SAMMSON: variants seen among roughly 807,000 people sequenced by gnomAD.
SAMMSON encodes long intergenic non-protein coding RNA 1212.
intron 9 of SAMMSON, among the ~76,000 whole-genome samples, chr3:70,374,668 ATGGGGATGAAAGTCC>A (rs1702996959): frequency 6.6e-6 from 1 of 152,110 alleles, no homozygotes; most frequent in Non-Finnish European, 1.5e-5. Flanking sequence ...ACTGTTGACT[ATGGGGATGAAAGTCC>A]TGGCTCCCTT....
chr3:70,355,813 C>T (rs1426206568), intron 8 of SAMMSON, among the ~76,000 whole-genome samples: 5 of 152,168 alleles, frequency 3.3e-5, no homozygotes, highest in South Asian at 2.1e-4. Context: ...CACTCAGGCA[C>T]ATTGCTGTGA....
At chr3:70,077,622 A>T (rs2067253610) in intron 4 of SAMMSON, among the ~76,000 whole-genome samples, 1 of 152,178 alleles carries the variant, frequency 6.6e-6, no homozygotes, top group Admixed American at 6.6e-5. Context: ...TAGATCCTAT[A>T]TCAGAATATA....
chr3:70,125,322 C>G, intron 4 of SAMMSON: 1 of 1,398,798 alleles, frequency 7.1e-7, no homozygotes, highest in Admixed American at 1.9e-5. Context: ...AGGTCCTTTT[C>G]TTGAACATGT....
intron 4 of SAMMSON, among the ~76,000 whole-genome samples, chr3:70,184,851 G>A (rs145855650): frequency 2.0e-5 from 3 of 152,302 alleles, no homozygotes; most frequent in African/African-American, 7.2e-5. Flanking sequence ...CAGGTTGTCA[G>A]GTGAAACTAA....
At chr3:70,050,706 A>G (rs1327717800) in intron 3 of SAMMSON, among the ~76,000 whole-genome samples, 2 of 152,034 alleles carry the variant, frequency 1.3e-5, no homozygotes, top group African/African-American at 4.8e-5. Context: ...TTCAGTGATC[A>G]ATGATCAGTT....
intron 4 of SAMMSON, chr3:70,184,156 A>G (rs1276456520): frequency 6.6e-6 from 1 of 152,194 alleles, no homozygotes; most frequent in Admixed American, 6.5e-5. Flanking sequence ...ATCATCCGTG[A>G]TGCTTCTTCA....
chr3:70,129,326 A>G (rs1387534323), intron 4 of SAMMSON, among the ~76,000 whole-genome samples: 2 of 152,230 alleles, frequency 1.3e-5, no homozygotes, highest in African/African-American at 4.8e-5. Context: ...TTTCCATAAC[A>G]ACCTTAAAAG....
At chr3:70,298,263 T>G (rs779979195) in intron 7 of SAMMSON, among the ~76,000 whole-genome samples, 5 of 152,112 alleles carry the variant, frequency 3.3e-5, no homozygotes, top group Non-Finnish European at 2.9e-5. Flanking sequence ...CTGGAGTTAT[T>G]TTTTCCCCAC....
At chr3:70,115,898 T>C (rs1559517546) in intron 4 of SAMMSON, among the ~76,000 whole-genome samples, 1 of 152,144 alleles carries the variant, frequency 6.6e-6, no homozygotes, top group African/African-American at 2.4e-5. Flanking sequence ...ATCTCAACCA[T>C]GTCAGTTTGG....
chr3:70,130,662 T>A (rs759170441), intron 4 of SAMMSON, among the ~76,000 whole-genome samples: 12 of 152,102 alleles, frequency 7.9e-5, no homozygotes, highest in Non-Finnish European at 1.6e-4. Flanking sequence ...CGAACTCAGT[T>A]ATTATGTTTT....
rs1369005673 is a variant in SAMMSON, at chr3:70,162,772, C to T, written n.508-86335C>T. Among the ~76,000 whole-genome samples the T allele has an allele frequency of 2.6e-5, 4 of 151,550 alleles. No homozygotes were observed. The East Asian group carries it at 8.0e-4, about 30-fold the overall frequency. On this transcript the variant is annotated intron_variant and non_coding_transcript_variant, in intron 4 of 9. Transcript: ENST00000642114. ...ATTATTTTTGAATTGTCTCTTTCTCCTTTTATTTCTGTCAGGGTTTGTTTA... is the reference window on the plus strand; with the variant it reads ...ATTATTTTTGAATTGTCTCTTTCTCTTTTTATTTCTGTCAGGGTTTGTTTA...
intron 9 of SAMMSON, among the ~76,000 whole-genome samples, chr3:70,375,087 GAGA>G (rs1199785570): frequency 6.6e-5 from 10 of 152,304 alleles, no homozygotes; most frequent in Admixed American, 5.9e-4. Flanking sequence ...TGTAGTGCAT[GAGA>G]AGAATAGTGA....
chr3:70,011,777 A>G (rs1242490929), intron 1 of SAMMSON, among the ~76,000 whole-genome samples: 4 of 152,076 alleles, frequency 2.6e-5, no homozygotes, highest in African/African-American at 9.7e-5. Context: ...CACAGGCTCT[A>G]AAACAAATAA....
At chr3:70,358,548 T>G (rs933770917) in intron 9 of SAMMSON, among the ~76,000 whole-genome samples, 1 of 152,080 alleles carries the variant, frequency 6.6e-6, no homozygotes, top group Non-Finnish European at 1.5e-5. Flanking sequence ...AAGAAACAGA[T>G]GGCAAGTAAT....
chr3:70,150,941 A>T (rs1450592092), intron 4 of SAMMSON, among the ~76,000 whole-genome samples: 2 of 152,062 alleles, frequency 1.3e-5, no homozygotes, highest in African/African-American at 4.8e-5. Flanking sequence ...TATACTAAAA[A>T]ATGTGACATT....
chr3:70,383,011 T>C (rs1218714316), intron 9 of SAMMSON, among the ~76,000 whole-genome samples: 1 of 152,140 alleles, frequency 6.6e-6, no homozygotes, highest in Admixed American at 6.6e-5. Context: ...TTTCTTCCTG[T>C]CTTTTCTTAT....
Position 70,024,243 on chromosome 3 carries a change from C to A in SAMMSON, n.417+10571C>A, listed in dbSNP as rs960986283. Among the ~76,000 whole-genome samples the A allele has an allele frequency of 5.3e-5, 8 of 152,270 alleles. No homozygotes were observed. The South Asian group carries it at 1.7e-3, about 32-fold the overall frequency. ...ATAGTGGAAATGGAACCATTGCATGCTTTTCACTGATATACGATGATAAAA... is the reference window on the plus strand; with the variant it reads ...ATAGTGGAAATGGAACCATTGCATGATTTTCACTGATATACGATGATAAAA... On this transcript the variant is annotated intron_variant and non_coding_transcript_variant, in intron 3 of 9. Transcript: ENST00000642114.
chr3:70,027,071 T>A (rs2067043820), intron 3 of SAMMSON, among the ~76,000 whole-genome samples: 1 of 152,202 alleles, frequency 6.6e-6, no homozygotes, highest in Admixed American at 6.5e-5. Context: ...ACCCTGCAGA[T>A]CACACTCCTG....
chr3:70,372,578 G>A (rs899801835), intron 9 of SAMMSON, among the ~76,000 whole-genome samples: 2 of 152,108 alleles, frequency 1.3e-5, no homozygotes, highest in African/African-American at 4.8e-5. Flanking sequence ...GGGATTACAG[G>A]TATGAGCCAC....
Sources: allele counts gnomAD v4.1 joint callset (sites outside exome capture counted in the v4.1 genomes callset), GRCh38; gene constraint gnomAD v4.1.1; transcripts MANE v1.5; gene names NCBI Gene and HGNC (gene_info 2026-07-23, HGNC 2026-07-21).